The following ACOT11 variants were observed in gnomAD, a reference collection of about 807,000 sequenced individuals.
The protein encoded by ACOT11 is acyl-coenzyme A thioesterase 11.
ACOT11 carries 69 observed loss-of-function variants against 77.5 expected under a neutral mutation model. The ratio of observed to expected loss-of-function variants is 0.89; its 90% CI spans 0.73 to 1.09. The LOEUF is 1.09. ACOT11 is among the 50% of genes least tolerant of loss of function. The pLI is 0.00. For missense variants in ACOT11, 766 were observed against 813.7 expected (o/e 0.94, Z 0.71); for synonymous variants, 279 against 313.0 (o/e 0.89, Z 1.15).
chr1:54,615,406 AAGAG>A (rs1218223170), intron 15 of ACOT11, among the ~76,000 whole-genome samples: 1 of 152,182 alleles, frequency 6.6e-6, no homozygotes, highest in Non-Finnish European at 1.5e-5. Flanking sequence ...GGAGGGTTAA[AAGAG>A]AGGCGTGGCA....
At chr1:54,625,939 CAAAA>C (rs55726397) in intron 15 of ACOT11, among the ~76,000 whole-genome samples, 1 of 107,290 alleles carries the variant, frequency 9.3e-6, no homozygotes, top group Non-Finnish European at 1.9e-5. Flanking sequence ...AACTCTGTCT[CAAAA>C]AAAAAAAAAA....
chr1:54,574,029 CAAAA>C (rs368096166), intron 1 of ACOT11, among the ~76,000 whole-genome samples: 1 of 87,376 alleles, frequency 1.1e-5, no homozygotes, highest in Admixed American at 1.3e-4. Context: ...AACTCCATCT[CAAAA>C]AAAAAAAAAA....
In ACOT11 at chr1:54,609,813, G is replaced by A. The variant is rs1644094002; in HGVS notation, c.*701G>A. The A allele has an allele frequency of 6.2e-7, 1 of 1,614,094 alleles. No individual in the cohort carries two copies. Among genetic ancestry groups the A allele is most frequent in the African/African-American group, 1.3e-5 (1 of 74,952 alleles). ...AAATGGATGCCCCAGTGTCCGGGAT[G>A]TGTGGCCAGCTGCTGCAGGCAGGAC... On this transcript the variant is annotated 3_prime_UTR_variant, in exon 16 of 16. Transcript: ENST00000343744.
chr1:54,563,658 C>A (rs1198224577), intron 1 of ACOT11, among the ~76,000 whole-genome samples: 1 of 152,150 alleles, frequency 6.6e-6, no homozygotes, highest in Non-Finnish European at 1.5e-5. Context: ...CTCAGTGGCT[C>A]ATGCCTGTAG....
At position 54,602,552 on chromosome 1, in the gene ACOT11, C is replaced by T. The variant is rs76150727; in HGVS notation, c.1030-117C>T. 2,564 of 988,252 alleles carry T rather than the reference C, an allele frequency of 2.6e-3. 42 individuals are homozygous for T. In the African/African-American group the frequency reaches 0.039, roughly 15 times the overall value. The allele number at this position is 988,252 out of a possible 1,614,324, so 61.2% of individuals were successfully genotyped here. On this transcript the variant is annotated intron_variant, in intron 9 of 15. Coordinates refer to ENST00000343744, the MANE Select transcript of ACOT11 (RefSeq NM_147161.4). ...CCAGGATGTTTTGATTCCAGCTGCCCCAGCGACACCTGAACTCCACGTTAG... is the reference window on the plus strand; with the variant it reads ...CCAGGATGTTTTGATTCCAGCTGCCTCAGCGACACCTGAACTCCACGTTAG...
At chr1:54,611,788 A>G (rs1210706916), downstream of ACOT11, 1 of 1,611,068 alleles carries the variant, frequency 6.2e-7, no homozygotes, top group East Asian at 2.2e-5. Flanking sequence ...TGGGCCCAGC[A>G]AGACCCTCAG....
intron 9 of ACOT11, 81 bp downstream of exon 9, chr1:54,601,494 C>G (rs1643962920): frequency 6.4e-7 from 1 of 1,555,232 alleles, no homozygotes; most frequent in African/African-American, 1.3e-5. Context: ...ACTGCCAGCC[C>G]CCTACAGACC....
chr1:54,610,373 G>C, downstream of ACOT11: 3 of 1,603,802 alleles, frequency 1.9e-6, no homozygotes, highest in Non-Finnish European at 2.6e-6. Context: ...CACCCCTGCA[G>C]ATGAGCTGGG....
chr1:54,620,841 C>A (rs1421671616), intron 15 of ACOT11, among the ~76,000 whole-genome samples: 1 of 53,808 alleles, frequency 1.9e-5, no homozygotes, highest in East Asian at 4.7e-4. Context: ...CAAAGAGACT[C>A]TGTCAAAAAA....
chr1:54,602,573 G>T, intron 9 of ACOT11, 96 bp from the exon 10 acceptor site: 2 of 1,236,696 alleles, frequency 1.6e-6, no homozygotes, highest in East Asian at 3.0e-5. Context: ...TGAACTCCAC[G>T]TTAGGGCTGC....
In ACOT11 at chr1:54,548,343, GT is replaced by G; in HGVS notation, c.33+2del. On this transcript the variant is annotated splice_donor_variant, in intron 1 of 15. Coordinates refer to ENST00000343744, the MANE Select transcript of ACOT11 (RefSeq NM_147161.4). LOFTEE classifies it high-confidence loss of function. ...GAATGTCGGAAATCACCTGCGACGG[GT>G]ATGGAGGGTGGGCTGGGGCAGCGGG... is the stretch of plus-strand genomic sequence containing the variant. 1 of 1,601,684 alleles carries G rather than the reference GT, an allele frequency of 6.2e-7. No homozygotes were observed. The highest frequency in any genetic ancestry group is 8.5e-7 in the Non-Finnish European group (1 of 1,174,552).
chr1:54,610,080 G>A lies in ACOT11; in HGVS notation c.*968G>A. ...CTGGAATCTGTCAACCCAGTTTTGGGCTCCAGGTGGATGGGTTGCTTTATA... is the reference window on the plus strand; with the variant it reads ...CTGGAATCTGTCAACCCAGTTTTGGACTCCAGGTGGATGGGTTGCTTTATA... On this transcript the variant is annotated 3_prime_UTR_variant, in exon 16 of 16. Transcript: ENST00000343744. The A allele has an allele frequency of 7.0e-7, 1 of 1,436,552 alleles. No homozygotes were observed. The highest frequency in any genetic ancestry group is 9.1e-7 in the Non-Finnish European group (1 of 1,100,556). The allele number at this position is 1,436,552 out of a possible 1,614,324, so 89.0% of individuals were successfully genotyped here.
chr1:54,628,602 C>A lies in ACOT11; in HGVS notation c.1630-2132C>A, dbSNP rs879263052. The stretch of plus-strand genomic sequence containing the variant: ...AGAGCAAGACCCCATCGCCCCCCCC[C>A]CCCAAAAAAGGAAAAAAGAAACCCA... On this transcript the variant is annotated intron_variant, in intron 15 of 16. Transcript: ENST00000371316. Among the ~76,000 whole-genome samples, 40 of 123,716 alleles carry A rather than the reference C, an allele frequency of 3.2e-4. 13 individuals are homozygous for A. The highest frequency in any genetic ancestry group is 6.3e-4 in the Non-Finnish European group (34 of 54,294). The allele number at this position is 123,716 out of a possible 152,430, so 81.2% of individuals were successfully genotyped here.
At chr1:54,553,693 T>G (rs1653152325) in intron 1 of ACOT11, among the ~76,000 whole-genome samples, 1 of 152,072 alleles carries the variant, frequency 6.6e-6, no homozygotes, top group Non-Finnish European at 1.5e-5. Context: ...GTATAATAGA[T>G]CTCTTGAAAT....
exon 17 of ACOT11, chr1:54,634,937 A>ACTGCCG (rs1644322949): frequency 2.0e-6 from 1 of 511,226 alleles, no homozygotes; most frequent in Admixed American, 3.7e-5. Flanking sequence ...ACCAGTCACA[A>ACTGCCG]TGAATAATTT....
chr1:54,586,067 G>A (rs951111037), intron 3 of ACOT11, among the ~76,000 whole-genome samples, 163 bp downstream of exon 3: 2 of 145,110 alleles, frequency 1.4e-5, no homozygotes, highest in Admixed American at 7.4e-5. Context: ...GAACCCCTCT[G>A]CAGTGTTTCT....
chr1:54,550,945 G>A lies in ACOT11; in HGVS notation c.33+2603G>A, dbSNP rs187776975. ...ACTTGAGGCCAGGAGTTCGAGACCA[G>A]CTCGGCCAACATGGTGAAACCCCAT... On this transcript the variant is annotated intron_variant, in intron 1 of 15. Transcript: ENST00000343744. Among the ~76,000 whole-genome samples the A allele has an allele frequency of 4.0e-3, 612 of 151,956 alleles. 4 individuals are homozygous for A. Among genetic ancestry groups the A allele is most frequent in the Non-Finnish European group, 6.4e-3 (433 of 67,956 alleles).
intron 1 of ACOT11, among the ~76,000 whole-genome samples, chr1:54,571,813 A>C (rs1197418299): frequency 1.3e-5 from 2 of 152,150 alleles, no homozygotes; most frequent in African/African-American, 4.8e-5. Flanking sequence ...GGGCCCTGGG[A>C]ACCATCTGGG....
At chr1:54,558,179 T>G (rs1342194065) in intron 1 of ACOT11, among the ~76,000 whole-genome samples, 1 of 152,144 alleles carries the variant, frequency 6.6e-6, no homozygotes, top group East Asian at 1.9e-4. Flanking sequence ...CTGTGGCCAA[T>G]GATATATATA....
Sources: gnomAD v4.1 joint callset for allele counts (sites outside exome capture counted in the v4.1 genomes callset) on GRCh38, gnomAD v4.1.1 for gene constraint, MANE v1.5 for transcripts, NCBI Gene and HGNC (gene_info 2026-07-23, HGNC 2026-07-21) for gene names.